SORL1: variants seen among roughly 807,000 people sequenced by gnomAD.
SORL1 encodes sortilin related receptor 1, also known as sortilin-related receptor.
SORL1 carries 127 observed loss-of-function variants against 273.7 expected under a neutral mutation model. The observed-to-expected ratio is 0.46, with a 90% CI of 0.40 to 0.54. The LOEUF (loss-of-function observed/expected upper bound fraction) is 0.54. Ranked by LOEUF, SORL1 falls within the 20% of genes least tolerant of loss-of-function variation. The pLI, the probability that SORL1 is intolerant of heterozygous loss-of-function variation, is 0.00. For missense variants in SORL1, 2,494 were observed against 2,846.1 expected (o/e 0.88, Z 2.81); for synonymous variants, 1,031 against 1,067.4 (o/e 0.97, Z 0.66).
intron 23 of SORL1, among the ~76,000 whole-genome samples, chr11:121,571,344 G>A (rs937010429): frequency 6.6e-6 from 1 of 152,264 alleles, no homozygotes; most frequent in African/African-American, 2.4e-5. Flanking sequence ...CATGGGCACA[G>A]GGGCCAAGGT....
Position 121,622,194 on chromosome 11 carries a change from A to G in SORL1, c.6097A>G (p.Ile2033Val), listed in dbSNP as rs755920359. The G allele has an allele frequency of 4.3e-6, 7 of 1,612,136 alleles. No individual in the cohort carries two copies. Among genetic ancestry groups the G allele is most frequent in the Middle Eastern group, 1.7e-4 (1 of 6,056 alleles). Residue 2033 changes from isoleucine to valine, a missense_variant, in exon 45 of 48, where the codon ATA (isoleucine) becomes GTA (valine). Physicochemically the swap from Ile to Val is conservative, Grantham distance 29 (BLOSUM62 3). Coordinates refer to ENST00000260197, the MANE Select transcript of SORL1 (RefSeq NM_003105.6). ...ATCAGCACCTGATGCCTTAAAAATC[A>G]TAACAGAAAATGATCATGTTCTTCT... is the stretch of plus-strand genomic sequence containing the variant. ...SLSAPDALKI[I>V]TENDHVLLFW...
Position 121,606,951 on chromosome 11 carries a change from G to T in SORL1, c.5055G>T (p.Glu1685Asp). The T allele has an allele frequency of 1.2e-6, 2 of 1,610,032 alleles. No homozygotes were observed. Among genetic ancestry groups the T allele is most frequent in the Non-Finnish European group, 1.7e-6 (2 of 1,176,232 alleles). Residue 1685 changes from glutamate (E) to aspartate (D), a missense_variant, in exon 36 of 48, where the codon GAG becomes GAT. Transcript: ENST00000260197. ...TCCACACCCATGGCCTCATCCGTGA[G>T]TACATTGTAAGTACCTTCCATGAGT... ...PPIHTHGLIR[E>D]YIVEYSRSGS...
chr11:121,632,319 T>A lies in SORL1; in HGVS notation c.*2756T>A, dbSNP rs1025808334. 2.6e-5 allele frequency: 4 copies of A among 152,010 alleles called. No homozygotes were observed. The highest frequency in any genetic ancestry group is 2.9e-5 in the Non-Finnish European group (2 of 68,016). 9.4% of individuals were successfully genotyped at this position (152,010 alleles called of 1,614,324 possible). A position where few individuals can be genotyped will look rare whatever the true frequency, so the allele number is the denominator to read the frequency against. On this transcript the variant is annotated 3_prime_UTR_variant, in exon 48 of 48. Transcript: ENST00000260197. ...GAGCTTTATGAGATACGAGTCCACA[T>A]GGATAAAATGTTAGAGAGTGGAGTT...
At chr11:121,468,726 T>G (rs1861125983) in intron 1 of SORL1, among the ~76,000 whole-genome samples, 1 of 152,200 alleles carries the variant, frequency 6.6e-6, no homozygotes. Context: ...TGACCAGCTC[T>G]CAGAATTTTT....
rs1048672801 is a variant in SORL1 at position 121,632,043 on chromosome 11, G to C, written c.*2480G>C. On this transcript the variant is annotated 3_prime_UTR_variant, in exon 48 of 48. Coordinates refer to ENST00000260197, the MANE Select transcript of SORL1 (RefSeq NM_003105.6). ...AGCCTCTGAAGGTGACCACATAACT[G>C]TCTTCACTGTGACCAATCGGAGTCC... 6.6e-6 allele frequency: 1 copy of C among 152,166 alleles called. No individual in the cohort carries two copies. The highest frequency in any genetic ancestry group is 1.5e-5 in the Non-Finnish European group (1 of 68,036). The allele number at this position is 152,166 out of a possible 1,614,324, so 9.4% of individuals were successfully genotyped here.
intron 1 of SORL1, among the ~76,000 whole-genome samples, chr11:121,464,623 G>A (rs528236217): frequency 1.6e-4 from 25 of 152,322 alleles, no homozygotes; most frequent in Admixed American, 8.5e-4. Flanking sequence ...GCCAGGGCAC[G>A]CAGGGGGCTG....
chr11:121,624,982 G>A (rs919604533), intron 45 of SORL1, 103 bp from the exon 46 acceptor site: 3 of 812,578 alleles, frequency 3.7e-6, no homozygotes, highest in African/African-American at 3.5e-5. Flanking sequence ...TTTCGCGTCT[G>A]TAGCAGCCCA....
At chr11:121,522,427 G>C (rs1591310642) in intron 9 of SORL1, among the ~76,000 whole-genome samples, 159 bp from the exon 10 acceptor site, 2 of 152,186 alleles carry the variant, frequency 1.3e-5, no homozygotes, top group South Asian at 2.1e-4. Context: ...CTCTCTGTCT[G>C]GGGGGTGTGG....
At chr11:121,613,593 G>T (rs936970781) in intron 40 of SORL1, among the ~76,000 whole-genome samples, 1 of 151,758 alleles carries the variant, frequency 6.6e-6, no homozygotes, top group Non-Finnish European at 1.5e-5. Context: ...CTGTTATTTT[G>T]ACTTTTGCAC....
intron 1 of SORL1, among the ~76,000 whole-genome samples, chr11:121,465,834 T>A (rs1443964971): frequency 6.6e-6 from 1 of 152,040 alleles, no homozygotes; most frequent in East Asian, 1.9e-4. Flanking sequence ...GCTGGGTGTG[T>A]CTTTTAAAAA....
chr11:121,488,103 T>C lies in SORL1; in HGVS notation c.600T>C (p.Phe200=). 3 of 1,614,178 alleles carry C rather than the reference T, an allele frequency of 1.9e-6. No individual in the cohort carries two copies. Among genetic ancestry groups the C allele is most frequent in the Non-Finnish European group, 2.5e-6 (3 of 1,180,022 alleles). Residue 200 remains phenylalanine, a synonymous_variant, in exon 4 of 48, where the codon TTT becomes TTC. Transcript: ENST00000260197. ...TFDFCNTLQG[F]SIPFRAADLL... ...ACTTCTGCAACACTCTTCAAGGCTT[T>C]TCCATCCCATTTCGGGCAGCTGATC...
intron 9 of SORL1, among the ~76,000 whole-genome samples, chr11:121,521,202 C>T (rs991568294): frequency 5.3e-5 from 8 of 152,074 alleles, no homozygotes; most frequent in Non-Finnish European, 7.4e-5. Flanking sequence ...ATCTGTGGCC[C>T]TTGGGAAAAT....
chr11:121,453,380 T>C (rs2134758542), intron 1 of SORL1, among the ~76,000 whole-genome samples: 1 of 152,302 alleles, frequency 6.6e-6, no homozygotes, highest in African/African-American at 2.4e-5. Flanking sequence ...GAATTTCACT[T>C]TTATGGTCAG....
chr11:121,590,723 T>A, intron 30 of SORL1: 1 of 670,642 alleles, frequency 1.5e-6, no homozygotes. Context: ...ACCTGTTTCT[T>A]TCACCAGCCC....
At chr11:121,530,714 A>G (rs1022517292) in intron 11 of SORL1, among the ~76,000 whole-genome samples, 10 of 151,948 alleles carry the variant, frequency 6.6e-5, no homozygotes, top group African/African-American at 2.4e-4. Context: ...TATTTCTTCA[A>G]ATATTTTTTT....
At chr11:121,572,769 C>A (rs1030202529) in intron 23 of SORL1, among the ~76,000 whole-genome samples, 1 of 152,094 alleles carries the variant, frequency 6.6e-6, no homozygotes, top group African/African-American at 2.4e-5. Context: ...TACACAGATT[C>A]CTCTAGCTGG....
rs776405729 is a variant in SORL1 at position 121,605,180 on chromosome 11, G to C, written c.4719G>C (p.Leu1573Phe). ...WTADFSGDVT[L>F]TWMRPKKMPS... ...CTGACTTCTCTGGGGATGTGACTTT[G>C]ACCTGGATGAGGCCCAAAAAAATGC... The change falls in exon 34 of 48, where the codon TTG (leucine) becomes TTC (phenylalanine). Residue 1573 changes from leucine to phenylalanine, a missense_variant. Physicochemically the swap from Leu to Phe is conservative, Grantham distance 22 (BLOSUM62 0). Transcript: ENST00000260197. 1 of 1,613,878 alleles carries C rather than the reference G, an allele frequency of 6.2e-7. No homozygotes were observed. Among genetic ancestry groups the C allele is most frequent in the East Asian group, 2.2e-5 (1 of 44,884 alleles).
intron 1 of SORL1, among the ~76,000 whole-genome samples, chr11:121,463,506 G>T (rs1188834672): frequency 2.0e-5 from 3 of 152,180 alleles, no homozygotes; most frequent in Non-Finnish European, 4.4e-5. Context: ...GTGAGATTAT[G>T]ATTATCATCC....
intron 32 of SORL1, among the ~76,000 whole-genome samples, chr11:121,598,382 A>G (rs1381829266): frequency 6.6e-6 from 1 of 152,212 alleles, no homozygotes; most frequent in Non-Finnish European, 1.5e-5. Context: ...CCAGGATGAC[A>G]GTGAAAGCTG....
Sources: allele counts gnomAD v4.1 joint callset (sites outside exome capture counted in the v4.1 genomes callset), GRCh38; gene constraint gnomAD v4.1.1; transcripts MANE v1.5; gene names NCBI Gene and HGNC (gene_info 2026-07-23, HGNC 2026-07-21).